Variants in MCPH1 observed in about 807,000 individuals in gnomAD.
MCPH1 encodes microcephalin 1, also known as microcephalin.
MCPH1 carries 104 observed loss-of-function variants against 84.5 expected under a neutral mutation model. The ratio of observed to expected loss-of-function variants is 1.23; its 90% CI spans 1.05 to 1.45. The LOEUF is 1.45. Among genes scored for constraint, MCPH1 ranks in the 40% most tolerant of loss-of-function variants. The probability of loss-of-function intolerance (pLI) is 0.00; values close to 1 mark genes in which losing one functional copy is unlikely to be tolerated. For synonymous variants in MCPH1, 514 were observed against 366.8 expected (o/e 1.40, Z -4.58); for missense variants, 1,498 against 1,005.7 (o/e 1.49, Z -6.62).
chr8:6,635,846 G>A (rs1281792919), intron 13 of MCPH1, among the ~76,000 whole-genome samples: 1 of 152,192 alleles, frequency 6.6e-6, no homozygotes, highest in Non-Finnish European at 1.5e-5. Flanking sequence ...CAGCATGGTT[G>A]GGAGAGCAGA....
At chr8:6,482,867 C>T (rs1320026174) in intron 11 of MCPH1, among the ~76,000 whole-genome samples, 1 of 152,142 alleles carries the variant, frequency 6.6e-6, no homozygotes, top group African/African-American at 2.4e-5. Flanking sequence ...GACTCCTTGC[C>T]TGGAGGGAAG....
chr8:6,625,206 C>T (rs942492000), intron 13 of MCPH1: 4 of 985,422 alleles, frequency 4.1e-6, no homozygotes, highest in Non-Finnish European at 4.8e-6. Flanking sequence ...AATGCATTTA[C>T]TTCATGTATA....
intron 3 of MCPH1, 142 bp from the exon 4 acceptor site, chr8:6,431,357 C>A: frequency 1.5e-6 from 1 of 645,834 alleles, no homozygotes; most frequent in South Asian, 2.1e-5. Context: ...TTTGTATTTG[C>A]AGTTGTATTT....
chr8:6,484,745 A>G (rs987516112), intron 11 of MCPH1, among the ~76,000 whole-genome samples: 17 of 152,230 alleles, frequency 1.1e-4, no homozygotes, highest in African/African-American at 4.1e-4. Context: ...GCATCATGCC[A>G]AGTTGAATAG....
chr8:6,604,818 T>C (rs945009386), intron 12 of MCPH1, among the ~76,000 whole-genome samples: 10 of 152,238 alleles, frequency 6.6e-5, no homozygotes, highest in Admixed American at 2.6e-4. Flanking sequence ...CCTACTTTTA[T>C]ACTATGAACA....
intron 3 of MCPH1, among the ~76,000 whole-genome samples, chr8:6,419,515 C>A (rs868428112): frequency 1.3e-5 from 2 of 151,854 alleles, no homozygotes; most frequent in South Asian, 4.2e-4. Flanking sequence ...GCCTCAGCCT[C>A]CCGAGTAGCT....
intron 13 of MCPH1, among the ~76,000 whole-genome samples, chr8:6,641,542 G>A (rs1420297492): frequency 1.3e-5 from 2 of 152,124 alleles, no homozygotes; most frequent in Non-Finnish European, 2.9e-5. Flanking sequence ...CCAGGAGTTC[G>A]AGATCAGCCT....
At chr8:6,584,246 G>C (rs184973865) in intron 12 of MCPH1, among the ~76,000 whole-genome samples, 1 of 152,176 alleles carries the variant, frequency 6.6e-6, no homozygotes, top group Non-Finnish European at 1.5e-5. Flanking sequence ...GAAGGAAACC[G>C]TAAGTTCATC....
chr8:6,537,840 T>C (rs17077452), intron 12 of MCPH1, among the ~76,000 whole-genome samples: 23,738 of 152,126 alleles, frequency 0.16, 1,958 homozygotes, highest in Admixed American at 0.2. Context: ...TTGGAGATTC[T>C]GATGTTGATT....
chr8:6,455,253 G>T lies in MCPH1; in HGVS notation c.1935+1G>T, dbSNP rs752837724. ...GAAGAAAAGTGGGAGAGGCAAAAAGGTCAGTGTGTAAAAATATTATTTTAA... is the reference window on the plus strand; with the variant it reads ...GAAGAAAAGTGGGAGAGGCAAAAAGTTCAGTGTGTAAAAATATTATTTTAA... On this transcript the variant is annotated splice_donor_variant, in intron 9 of 13. Transcript: ENST00000344683. LOFTEE classifies it high-confidence loss of function. The T allele has an allele frequency of 1.0e-4, 165 of 1,595,982 alleles. No individual in the cohort carries two copies. Among genetic ancestry groups the T allele is most frequent in the Non-Finnish European group, 1.3e-4 (153 of 1,163,676 alleles).
chr8:6,621,201 A>C, intron 12 of MCPH1: 2 of 536,454 alleles, frequency 3.7e-6, no homozygotes, highest in Non-Finnish European at 6.7e-6. Context: ...GAATAATTCA[A>C]AGGCCTACAC....
At chr8:6,625,688 G>A (rs1033182679) in intron 13 of MCPH1, 20 of 982,748 alleles carry the variant, frequency 2.0e-5, no homozygotes, top group South Asian at 9.4e-5. Context: ...TCTTAGCTAC[G>A]TGGGAGCTTG....
intron 12 of MCPH1, chr8:6,532,357 C>A: frequency 6.2e-7 from 1 of 1,614,024 alleles, no homozygotes; most frequent in South Asian, 1.1e-5. Context: ...AGTTAACTTC[C>A]GCGTTTGCTC....
chr8:6,458,079 C>T (rs773467673), intron 9 of MCPH1, among the ~76,000 whole-genome samples: 1 of 152,152 alleles, frequency 6.6e-6, no homozygotes, highest in African/African-American at 2.4e-5. Context: ...AGAATTTAAA[C>T]AAGTAATTTA....
intron 13 of MCPH1, among the ~76,000 whole-genome samples, chr8:6,639,746 T>C (rs1397810645): frequency 2.0e-5 from 3 of 152,152 alleles, no homozygotes; most frequent in South Asian, 2.1e-4. Flanking sequence ...TTTATATATA[T>C]TGGAGAATGA....
chr8:6,621,869 T>A (rs1442050107), intron 13 of MCPH1, among the ~76,000 whole-genome samples, 178 bp downstream of exon 13: 1 of 151,806 alleles, frequency 6.6e-6, no homozygotes, highest in African/African-American at 2.4e-5. Context: ...TCCCGCTCCT[T>A]GCTGTTAGCA....
chr8:6,566,522 G>A (rs1284102393), intron 12 of MCPH1, among the ~76,000 whole-genome samples: 5 of 152,212 alleles, frequency 3.3e-5, no homozygotes, highest in Non-Finnish European at 5.9e-5. Flanking sequence ...ACAGTACAGT[G>A]ACCACCTGTG....
At chr8:6,597,893 G>A (rs1200210324) in intron 12 of MCPH1, among the ~76,000 whole-genome samples, 1 of 152,124 alleles carries the variant, frequency 6.6e-6, no homozygotes, top group Admixed American at 6.5e-5. Flanking sequence ...GAAGAAACGT[G>A]AGCTCTCCAA....
chr8:6,453,058 G>A (rs373934280), intron 8 of MCPH1, among the ~76,000 whole-genome samples: 1 of 152,180 alleles, frequency 6.6e-6, no homozygotes, highest in African/African-American at 2.4e-5. Flanking sequence ...AATCACCTTG[G>A]GGAGTGAGAA....
Sources: gnomAD v4.1 joint callset for allele counts (sites outside exome capture counted in the v4.1 genomes callset) on GRCh38, gnomAD v4.1.1 for gene constraint, MANE v1.5 for transcripts, NCBI Gene and HGNC (gene_info 2026-07-23, HGNC 2026-07-21) for gene names.